Variants in PCMTD1 observed in about 807,000 individuals in gnomAD.
PCMTD1 encodes protein-L-isoaspartate (D-aspartate) O-methyltransferase domain containing 1.
In PCMTD1, 12 loss-of-function variants were observed where a neutral mutation model predicts 37.6. The ratio of observed to expected loss-of-function variants is 0.32; its 90% CI spans 0.20 to 0.52. The LOEUF is 0.52. PCMTD1 is among the 20% of genes least tolerant of loss of function. The probability of loss-of-function intolerance (pLI) is 0.97; values close to 1 mark genes in which losing one functional copy is unlikely to be tolerated. For synonymous variants in PCMTD1, 117 were observed against 135.8 expected (o/e 0.86, Z 0.96); for missense variants, 235 against 421.3 (o/e 0.56, Z 3.87).
At chr8:51,868,033 G>T (rs1044641107) in intron 1 of PCMTD1, among the ~76,000 whole-genome samples, 44 of 151,962 alleles carry the variant, frequency 2.9e-4, no homozygotes, top group African/African-American at 1.2e-4. Flanking sequence ...TTTTTAACTG[G>T]CCTGATTTAA....
chr8:51,873,975 C>A (rs544516416), intron 1 of PCMTD1, among the ~76,000 whole-genome samples: 17 of 150,664 alleles, frequency 1.1e-4, no homozygotes, highest in Admixed American at 2.6e-4. Flanking sequence ...TGCAGTGGCG[C>A]AATCTCAGCT....
In PCMTD1 at chr8:51,840,484, T is replaced by C. The variant is rs546658541; in HGVS notation, c.410+5177A>G. Reference sequence around the variant, plus strand: ...AAAGTATATTTACAATCTCTAACAATTGTTATAAAACTACTTCTAAACATT... The same window carrying C: ...AAAGTATATTTACAATCTCTAACAACTGTTATAAAACTACTTCTAAACATT... On this transcript the variant is annotated intron_variant, in intron 3 of 5. Coordinates refer to ENST00000522514, the MANE Select transcript of PCMTD1 (RefSeq NM_052937.4). 1.1e-4 allele frequency among the ~76,000 whole-genome samples: 16 copies of C among 152,254 alleles called. No individual in the cohort carries two copies. The South Asian group carries it at 2.9e-3, about 28-fold the overall frequency.
chr8:51,872,030 A>T (rs1265549459), intron 1 of PCMTD1, among the ~76,000 whole-genome samples: 31 of 152,202 alleles, frequency 2.0e-4, no homozygotes, highest in Non-Finnish European at 4.0e-4. Flanking sequence ...GCTTGGAAAC[A>T]GTGTGAACTC....
At chr8:51,838,184 A>G (rs944250447) in intron 3 of PCMTD1, among the ~76,000 whole-genome samples, 3 of 152,150 alleles carry the variant, frequency 2.0e-5, no homozygotes, top group African/African-American at 4.8e-5. Flanking sequence ...CCAAAAGTCT[A>G]TGATTACAAT....
chr8:51,898,961 C>G lies in PCMTD1; in HGVS notation c.-127G>C, dbSNP rs547435060. The G allele has an allele frequency of 8.8e-6, 13 of 1,484,014 alleles. No homozygotes were observed. Among genetic ancestry groups the G allele is most frequent in the East Asian group, 5.6e-5 (2 of 35,482 alleles). The allele number at this position is 1,484,014 out of a possible 1,614,324, so 91.9% of individuals were successfully genotyped here. On this transcript the variant is annotated 5_prime_UTR_variant, in exon 1 of 6. Transcript: ENST00000522514. ...CGCGGGCAGCGGCGCGCAGGCCAGG[C>G]GCTAGGACTCGGCGGGGTCCGCAGC... is the stretch of plus-strand genomic sequence containing the variant.
chr8:51,851,184 T>A (rs1264807599), intron 2 of PCMTD1, among the ~76,000 whole-genome samples: 1 of 152,242 alleles, frequency 6.6e-6, no homozygotes, highest in African/African-American at 2.4e-5. Context: ...GCTAATAAGA[T>A]CAGACCTTGT....
chr8:51,896,128 T>C (rs2038997917), intron 1 of PCMTD1: 1 of 152,030 alleles, frequency 6.6e-6, no homozygotes, highest in Non-Finnish European at 1.5e-5. Flanking sequence ...GTATTTTTAG[T>C]AGAGACGGGG....
chr8:51,876,749 A>G (rs1331995796), intron 1 of PCMTD1, among the ~76,000 whole-genome samples: 1 of 152,240 alleles, frequency 6.6e-6, no homozygotes, highest in Non-Finnish European at 1.5e-5. Context: ...GAGATTGATG[A>G]TAATAGTCAT....
At chr8:51,835,031 C>T (rs2129276990) in intron 3 of PCMTD1, among the ~76,000 whole-genome samples, 1 of 152,272 alleles carries the variant, frequency 6.6e-6, no homozygotes, top group South Asian at 2.1e-4. Context: ...TAAGTTCAAG[C>T]TCCTAGGAGT....
At chr8:51,861,993 C>T (rs566300259) in intron 1 of PCMTD1, among the ~76,000 whole-genome samples, 25 of 152,264 alleles carry the variant, frequency 1.6e-4, no homozygotes, top group African/African-American at 5.8e-4. Flanking sequence ...GGATAACAGG[C>T]GTAAGCCACG....
intron 1 of PCMTD1, among the ~76,000 whole-genome samples, chr8:51,871,327 A>G (rs1450820018): frequency 6.6e-6 from 1 of 152,230 alleles, no homozygotes; most frequent in Non-Finnish European, 1.5e-5. Context: ...AGAGAAGTTA[A>G]AGCGAAGAAA....
At chr8:51,839,311 TAAGGA>T (rs1206587635) in intron 3 of PCMTD1, 7 of 255,302 alleles carry the variant, frequency 2.7e-5, no homozygotes, top group African/African-American at 4.7e-5. Flanking sequence ...CTTAGGCAGA[TAAGGA>T]AAAGTAATTG....
chr8:51,899,150 A>G (rs1429246720), upstream of PCMTD1: 12 of 1,348,852 alleles, frequency 8.9e-6, no homozygotes, highest in Non-Finnish European at 1.1e-5. Context: ...CTCCCCGCGG[A>G]CGCCAAAGTC....
chr8:51,830,979 G>C (rs1002946281), intron 5 of PCMTD1, among the ~76,000 whole-genome samples: 4 of 137,324 alleles, frequency 2.9e-5, no homozygotes, highest in African/African-American at 9.8e-5. Context: ...CTGGTACAAG[G>C]TGAGGGCTTT....
chr8:51,830,544 C>A (rs2129275383), intron 5 of PCMTD1, among the ~76,000 whole-genome samples: 1 of 152,290 alleles, frequency 6.6e-6, no homozygotes, highest in African/African-American at 2.4e-5. Context: ...CTTTAGACAA[C>A]ACTATCCACA....
chr8:51,823,336 C>T (rs755039324), intron 5 of PCMTD1, among the ~76,000 whole-genome samples: 3 of 152,108 alleles, frequency 2.0e-5, no homozygotes, highest in African/African-American at 4.8e-5. Context: ...TGGTGGTACA[C>T]GCCTGTATTC....
At chr8:51,887,326 T>A (rs2038878345) in intron 1 of PCMTD1, among the ~76,000 whole-genome samples, 1 of 152,128 alleles carries the variant, frequency 6.6e-6, no homozygotes, top group African/African-American at 2.4e-5. Flanking sequence ...GAGAATCAGA[T>A]ACAATCCATC....
At chr8:51,892,051 G>A (rs1295039673) in intron 1 of PCMTD1, among the ~76,000 whole-genome samples, 1 of 152,054 alleles carries the variant, frequency 6.6e-6, no homozygotes, top group Non-Finnish European at 1.5e-5. Flanking sequence ...AAACCATGAG[G>A]AGCAGACACA....
At chr8:51,871,839 T>C (rs2038643815) in intron 1 of PCMTD1, among the ~76,000 whole-genome samples, 1 of 152,168 alleles carries the variant, frequency 6.6e-6, no homozygotes, top group Non-Finnish European at 1.5e-5. Flanking sequence ...TTCTATATTC[T>C]CTTGACTATC....
Sources: allele counts gnomAD v4.1 joint callset (sites outside exome capture counted in the v4.1 genomes callset), GRCh38; gene constraint gnomAD v4.1.1; transcripts MANE v1.5; gene names NCBI Gene and HGNC (gene_info 2026-07-23, HGNC 2026-07-21).